AFAP1: variants seen among roughly 807,000 people sequenced by gnomAD.
AFAP1 encodes the protein actin filament-associated protein 1.
A neutral mutation model predicts 93.9 loss-of-function variants in AFAP1; 75 were observed. The ratio of observed to expected loss-of-function variants is 0.80; its 90% CI spans 0.66 to 0.97. The LOEUF (loss-of-function observed/expected upper bound fraction) is 0.97, where lower values mean the gene tolerates loss of function less well. AFAP1 is among the 50% of genes least tolerant of loss of function. AFAP1 has a pLI of 0.00. For missense variants in AFAP1, 1,201 were observed against 1,050.8 expected, an observed-to-expected ratio of 1.14 and a Z score of -1.98; for synonymous variants, 517 against 430.7, an observed-to-expected ratio of 1.20 and a Z score of -2.48.
At chr4:7,865,688 A>G (rs897940864) in intron 3 of AFAP1, among the ~76,000 whole-genome samples, 2 of 152,238 alleles carry the variant, frequency 1.3e-5, no homozygotes, top group African/African-American at 4.8e-5. Flanking sequence ...TGAAAATGGT[A>G]GAAAATGCTG....
intron 3 of AFAP1, among the ~76,000 whole-genome samples, chr4:7,861,497 T>A (rs28533862): frequency 0.11 from 16,001 of 152,320 alleles, 1,171 homozygotes; most frequent in African/African-American, 0.21. Flanking sequence ...TGATCACTGT[T>A]AAGTCTGCAT....
At chr4:7,785,278 C>T (rs774287425) in intron 12 of AFAP1, among the ~76,000 whole-genome samples, 7 of 152,172 alleles carry the variant, frequency 4.6e-5, no homozygotes, top group Non-Finnish European at 1.0e-4. Flanking sequence ...ACACTGAGAA[C>T]AGACTTCAGG....
At chr4:7,789,595 C>T (rs575661252) in intron 11 of AFAP1, among the ~76,000 whole-genome samples, 1 of 133,180 alleles carries the variant, frequency 7.5e-6, no homozygotes. Context: ...CCGCACCAGC[C>T]GCTGCTTTCC....
At chr4:7,801,914 C>CAAAAAAAAAAAAAAA (rs531684652) in intron 9 of AFAP1, among the ~76,000 whole-genome samples, 42 of 65,194 alleles carry the variant, frequency 6.4e-4, no homozygotes, top group East Asian at 3.7e-3. Context: ...GACCCTATCA[C>CAAAAAAAAAAAAAAA]AAAAAAAAAA....
rs559027104 is a variant in AFAP1 at position 7,936,638 on chromosome 4, G to A, written c.-3+3018C>T. On this transcript the variant is annotated intron_variant, in intron 1 of 17. Transcript: ENST00000420658. ...ACTCTGTCACCCAGGCTGGAGTGCA[G>A]TGGTACAATATCGGCTCACTGCAAT... Among the ~76,000 whole-genome samples the A allele has an allele frequency of 1.5e-3, 226 of 149,650 alleles. 2 individuals are homozygous for A. Among genetic ancestry groups the A allele is most frequent in the African/African-American group, 5.5e-3 (224 of 40,418 alleles).
At chr4:7,832,503 T>TACC (rs1711745926) in intron 6 of AFAP1, among the ~76,000 whole-genome samples, 1 of 152,080 alleles carries the variant, frequency 6.6e-6, no homozygotes, top group African/African-American at 2.4e-5. Context: ...TGAAGTGTTC[T>TACC]ACCAGGTTTT....
In AFAP1 at chr4:7,844,614, C is replaced by T. The variant is rs1577284477; in HGVS notation, c.335-1264G>A. Among the ~76,000 whole-genome samples the T allele has an allele frequency of 5.9e-5, 9 of 152,322 alleles. No individual in the cohort carries two copies. The South Asian group carries it at 1.9e-3, about 32-fold the overall frequency. ...GAGACCATCTCGTTGGCGGTGATCTCCCCGGCACCTAACAAAGTACCTGGC... is the reference window on the plus strand; with the variant it reads ...GAGACCATCTCGTTGGCGGTGATCTTCCCGGCACCTAACAAAGTACCTGGC... On this transcript the variant is annotated intron_variant, in intron 4 of 17. Transcript: ENST00000420658.
At chr4:7,878,340 C>G (rs531261912) in intron 1 of AFAP1, among the ~76,000 whole-genome samples, 1 of 152,326 alleles carries the variant, frequency 6.6e-6, no homozygotes, top group East Asian at 1.9e-4. Flanking sequence ...AGCAGGCTCT[C>G]TGGAAGATCC....
At chr4:7,899,482 T>G (rs544245578) in intron 1 of AFAP1, among the ~76,000 whole-genome samples, 1 of 152,240 alleles carries the variant, frequency 6.6e-6, no homozygotes, top group Non-Finnish European at 1.5e-5. Flanking sequence ...ACAAATTATC[T>G]TCCCTCGAGA....
intron 1 of AFAP1, among the ~76,000 whole-genome samples, chr4:7,877,554 A>T (rs1717588219): frequency 6.6e-6 from 1 of 152,210 alleles, no homozygotes; most frequent in Non-Finnish European, 1.5e-5. Context: ...GTAGGTGAGG[A>T]AACAGACACA....
intron 9 of AFAP1, among the ~76,000 whole-genome samples, chr4:7,802,898 C>T (rs926703094): frequency 6.6e-6 from 1 of 152,142 alleles, no homozygotes; most frequent in African/African-American, 2.4e-5. Context: ...ATCCACCCGC[C>T]TCGGCCTCCC....
chr4:7,812,109 CCAAGAGGGACAG>C (rs1720097534), intron 8 of AFAP1, among the ~76,000 whole-genome samples: 2 of 152,058 alleles, frequency 1.3e-5, no homozygotes, highest in African/African-American at 4.8e-5. Context: ...TTCAACCAAA[CCAAGAGGGACAG>C]CAACAGCGGA....
intron 1 of AFAP1, among the ~76,000 whole-genome samples, chr4:7,912,213 C>T (rs543645743): frequency 2.6e-5 from 4 of 152,306 alleles, no homozygotes; most frequent in African/African-American, 9.6e-5. Context: ...GAGTGGTGTC[C>T]GGGCTGTTTC....
At chr4:7,814,795 T>C (rs1577244079) in intron 8 of AFAP1, among the ~76,000 whole-genome samples, 1 of 149,534 alleles carries the variant, frequency 6.7e-6, no homozygotes, top group Non-Finnish European at 1.5e-5. Flanking sequence ...GGCTGGGGGG[T>C]TAGAGCCGTG....
At chr4:7,792,389 T>A (rs1452477111) in intron 11 of AFAP1, among the ~76,000 whole-genome samples, 1 of 151,688 alleles carries the variant, frequency 6.6e-6, no homozygotes, top group Non-Finnish European at 1.5e-5. Context: ...TCAGCAGGAG[T>A]CTATGGGTGC....
chr4:7,766,779 T>G (rs1405754103), intron 17 of AFAP1, among the ~76,000 whole-genome samples: 1 of 151,850 alleles, frequency 6.6e-6, no homozygotes, highest in African/African-American at 2.4e-5. Flanking sequence ...CCTGCCCAGA[T>G]GAAGGGAAGG....
At chr4:7,767,350 C>T (rs11733791) in intron 17 of AFAP1, among the ~76,000 whole-genome samples, 54,402 of 152,038 alleles carry the variant, frequency 0.36, 12,200 homozygotes, top group Non-Finnish European at 0.51. Context: ...TTTTGAGGGT[C>T]GGGACCACAG....
chr4:7,895,180 T>C (rs999016820), intron 1 of AFAP1, among the ~76,000 whole-genome samples: 9 of 152,160 alleles, frequency 5.9e-5, no homozygotes, highest in Non-Finnish European at 1.2e-4. Context: ...TGGTGGAGGG[T>C]TGAGGCTGGA....
intron 4 of AFAP1, among the ~76,000 whole-genome samples, chr4:7,848,161 AAGTG>A (rs1713989055): frequency 1.3e-5 from 1 of 75,952 alleles, no homozygotes; most frequent in Non-Finnish European, 2.5e-5. Flanking sequence ...GTAGATGGGT[AAGTG>A]GGAGGGAGGG....
Sources: gnomAD v4.1 joint callset for allele counts (sites outside exome capture counted in the v4.1 genomes callset) on GRCh38, gnomAD v4.1.1 for gene constraint, MANE v1.5 for transcripts, NCBI Gene and HGNC (gene_info 2026-07-23, HGNC 2026-07-21) for gene names.